OXSR1: variants seen among roughly 807,000 people sequenced by gnomAD.
OXSR1 encodes the protein oxidative stress responsive kinase 1, also known as serine/threonine-protein kinase OSR1.
OXSR1 carries 24 observed loss-of-function variants against 79.8 expected under a neutral mutation model. The observed-to-expected ratio is 0.30, with a 90% CI of 0.22 to 0.42. OXSR1 has a LOEUF of 0.42. OXSR1 is among the 10% of genes least tolerant of loss of function. The pLI, the probability that OXSR1 is intolerant of heterozygous loss-of-function variation, is 1.00. For missense variants in OXSR1, 430 were observed against 618.4 expected (o/e 0.70, Z 3.23); for synonymous variants, 226 against 209.2 (o/e 1.08, Z -0.69).
At chr3:38,190,365 C>T (rs902777474) in intron 2 of OXSR1, among the ~76,000 whole-genome samples, 1 of 152,052 alleles carries the variant, frequency 6.6e-6, no homozygotes, top group African/African-American at 2.4e-5. Context: ...TAAAAAAACC[C>T]TGTTTATTAG....
At chr3:38,229,886 T>C in intron 9 of OXSR1, 151 bp downstream of exon 9, 1 of 639,842 alleles carries the variant, frequency 1.6e-6, no homozygotes, top group Non-Finnish European at 2.7e-6. Context: ...CAGTCTTTGA[T>C]AATTAAGATA....
rs35476983 is a variant in OXSR1 at position 38,246,942 on chromosome 3, A to C, written c.1257+721A>C. On this transcript the variant is annotated intron_variant, in intron 13 of 17. Transcript: ENST00000311806. ...TTGTCTAACGTTTTAGATGAAAAGA[A>C]ATATAAATTAAAGGTCTGATTTTTT... Among the ~76,000 whole-genome samples the C allele has an allele frequency of 2.9e-3, 442 of 152,028 alleles. 1 individual carries two copies. The highest frequency in any genetic ancestry group is 0.01 in the African/African-American group (422 of 41,424).
At chr3:38,203,537 T>C (rs1702208493) in intron 4 of OXSR1, among the ~76,000 whole-genome samples, 1 of 152,144 alleles carries the variant, frequency 6.6e-6, no homozygotes, top group East Asian at 1.9e-4. Context: ...TTTGTAGAGA[T>C]TGGGTCTTCT....
intron 12 of OXSR1, among the ~76,000 whole-genome samples, chr3:38,244,637 C>CTGTGTGTGTGTGTG (rs112035003): frequency 0.043 from 4,232 of 99,386 alleles, 154 homozygotes; most frequent in East Asian, 0.15. Context: ...TAATATTCCT[C>CTGTGTGTGTGTGTG]TGTGTGTGTG....
chr3:38,251,770 T>A (rs557125940), intron 16 of OXSR1, among the ~76,000 whole-genome samples: 1 of 152,342 alleles, frequency 6.6e-6, no homozygotes, highest in Non-Finnish European at 1.5e-5. Context: ...TGATCTGTTT[T>A]GGATACCTAA....
At chr3:38,193,272 A>T in intron 3 of OXSR1, 2 of 1,289,632 alleles carry the variant, frequency 1.6e-6, no homozygotes, top group Non-Finnish European at 1.0e-6. Flanking sequence ...TTTTGTTTCA[A>T]TCCCATTAGT....
chr3:38,224,607 T>G lies in OXSR1; in HGVS notation c.739T>G (p.Leu247Val). 6.3e-7 allele frequency: 1 copy of G among 1,595,868 alleles called. No individual in the cohort carries two copies. Among genetic ancestry groups the G allele is most frequent in the Non-Finnish European group, 8.5e-7 (1 of 1,173,506 alleles). The change falls in exon 8 of 18, where the codon TTG becomes GTG. Residue 247 changes from leucine to valine, a missense_variant. Around this residue, in one of 3 missense-constraint regions of OXSR1, gnomAD observed 276 missense variants for 354.2 expected, o/e 0.78. Transcript: ENST00000311806. ...GACACTGCAGAACGATCCTCCTTCT[T>G]TGGAAACTGGTGTTCAAGATAAAGA... ...MLTLQNDPPS[L>V]ETGVQDKEML...
intron 4 of OXSR1, among the ~76,000 whole-genome samples, chr3:38,204,508 A>G (rs1243033274): frequency 1.3e-5 from 2 of 151,958 alleles, no homozygotes; most frequent in East Asian, 3.9e-4. Flanking sequence ...CTTGGCTGCC[A>G]CTGCCAATTA....
chr3:38,224,695 C>G lies in OXSR1; in HGVS notation c.827C>G (p.Pro276Arg). ...KMISLCLQKD[P>R]EKRPTAAELL... ...ATTTCATTGTGCCTTCAAAAAGATC[C>G]AGAAAAAAGGTAAAATATGAGAAAA... Residue 276 changes from proline to arginine, a missense_variant, in exon 8 of 18, where the codon CCA becomes CGA. Physicochemically the swap from Pro to Arg is moderately radical, Grantham distance 103. Transcript: ENST00000311806. 1 of 1,555,762 alleles carries G rather than the reference C, an allele frequency of 6.4e-7. No homozygotes were observed. The highest frequency in any genetic ancestry group is 8.7e-7 in the Non-Finnish European group (1 of 1,149,446).
intron 3 of OXSR1, 32 bp from the exon 4 acceptor site, chr3:38,198,690 G>A: frequency 1.3e-6 from 2 of 1,570,090 alleles, no homozygotes; most frequent in Non-Finnish European, 1.7e-6. Context: ...ATGATTTAGA[G>A]ATTTTTAGAA....
intron 13 of OXSR1, 122 bp from the exon 14 acceptor site, chr3:38,247,546 A>G (rs982348151): frequency 7.5e-6 from 5 of 663,216 alleles, no homozygotes; most frequent in Non-Finnish European, 1.4e-5. Flanking sequence ...GGGGATTAGT[A>G]TGACCTCAGC....
rs117315857 is a variant in OXSR1 at position 38,239,386 on chromosome 3, G to A, written c.1074+2425G>A. Among the ~76,000 whole-genome samples the A allele has an allele frequency of 3.0e-4, 46 of 152,190 alleles. No individual in the cohort carries two copies. In the East Asian group the frequency reaches 8.9e-3, roughly 29 times the overall value. ...TGTAAGTCTTCTTGAGCTTTGTTCG[G>A]GGATACATTAAAGTTAGTTGGAAAT... On this transcript the variant is annotated intron_variant, in intron 11 of 17. Transcript: ENST00000311806.
chr3:38,197,640 C>T (rs1013833706), intron 3 of OXSR1, among the ~76,000 whole-genome samples: 4 of 152,058 alleles, frequency 2.6e-5, no homozygotes, highest in African/African-American at 9.7e-5. Context: ...GGGTTTATGC[C>T]TTTTTAATCA....
At chr3:38,208,959 A>AGTGT (rs144109114) in intron 4 of OXSR1, among the ~76,000 whole-genome samples, 11,502 of 146,914 alleles carry the variant, frequency 0.078, 439 homozygotes, top group Middle Eastern at 0.11. Context: ...CCAGTTAAGG[A>AGTGT]GTGTGTGTGT....
intron 12 of OXSR1, among the ~76,000 whole-genome samples, chr3:38,243,234 T>G (rs897295669): frequency 2.1e-4 from 32 of 152,202 alleles, no homozygotes; most frequent in Middle Eastern, 6.8e-3. Context: ...CTCACCATGT[T>G]GCCCTGGCTG....
rs1226906632 is a variant in OXSR1 at position 38,165,930 on chromosome 3, G to C, written c.54G>C (p.Glu18Asp). ...LPWSINRDDY[E>D]LQEVIGSGAT... ...GGTCCATCAACAGGGACGATTACGA[G>C]CTGCAGGAGGTGATCGGTGAGAGCA... Residue 18 changes from glutamate (E) to aspartate (D), a missense_variant, in exon 1 of 18, where the codon GAG (glutamate) becomes GAC (aspartate). Physicochemically the swap from Glu to Asp is conservative, Grantham distance 45 (BLOSUM62 2). This residue lies in a region of OXSR1 where 145 missense variants were observed against 228.3 expected (regional missense o/e 0.64). Coordinates refer to ENST00000311806, the MANE Select transcript of OXSR1 (RefSeq NM_005109.3). 1.9e-6 allele frequency: 3 copies of C among 1,611,396 alleles called. No homozygotes were observed. The highest frequency in any genetic ancestry group is 2.7e-5 in the African/African-American group (2 of 74,826).
chr3:38,249,818 C>T (rs1703218544), intron 14 of OXSR1, 148 bp from the exon 15 acceptor site: 4 of 618,070 alleles, frequency 6.5e-6, no homozygotes, highest in Non-Finnish European at 1.2e-5. Flanking sequence ...GCTCTGAGCT[C>T]TGCAGTGTGA....
At chr3:38,203,464 G>T (rs1040382675) in intron 4 of OXSR1, among the ~76,000 whole-genome samples, 5 of 152,076 alleles carry the variant, frequency 3.3e-5, no homozygotes, top group Non-Finnish European at 5.9e-5. Context: ...CGCACACAGG[G>T]AGAACACCCG....
chr3:38,171,741 T>C (rs1232326045), intron 1 of OXSR1, among the ~76,000 whole-genome samples: 2 of 152,202 alleles, frequency 1.3e-5, no homozygotes. Context: ...AGTATGATTA[T>C]GTGTAAAAGA....
Sources: allele counts gnomAD v4.1 joint callset (sites outside exome capture counted in the v4.1 genomes callset), GRCh38; gene constraint gnomAD v4.1.1; regional missense constraint gnomAD v4.1.1; transcripts MANE v1.5; gene names NCBI Gene and HGNC (gene_info 2026-07-23, HGNC 2026-07-21).